CACNG5: variants seen among roughly 807,000 people sequenced by gnomAD.
CACNG5 encodes voltage-dependent calcium channel gamma-5 subunit.
In CACNG5, 18 loss-of-function variants were observed where a neutral mutation model predicts 24.8. That is an observed-to-expected ratio of 0.73 (90% CI 0.50 to 1.08). The LOEUF is 1.08. CACNG5 is among the 50% of genes least tolerant of loss of function. CACNG5 has a pLI of 0.00. For synonymous variants in CACNG5, 157 were observed against 149.1 expected (o/e 1.05, Z -0.39); for missense variants, 349 against 367.9 (o/e 0.95, Z 0.42).
chr17:66,841,493 T>C (rs2144497024), intron 1 of CACNG5, among the ~76,000 whole-genome samples: 1 of 152,326 alleles, frequency 6.6e-6, no homozygotes, highest in Non-Finnish European at 1.5e-5. Context: ...TCCACTCACC[T>C]GAAGATAACT....
intron 1 of CACNG5, among the ~76,000 whole-genome samples, chr17:66,869,077 TTTTC>T (rs1976967660): frequency 6.6e-6 from 1 of 152,098 alleles, no homozygotes; most frequent in East Asian, 1.9e-4. Context: ...GTGCTTCTTT[TTTTC>T]TTTCTTTCTT....
rs555065677 is a variant in CACNG5 at position 66,891,120 on chromosome 17, G to A, written c.*5880G>A. On this transcript the variant is annotated 3_prime_UTR_variant, in exon 6 of 6. Coordinates refer to ENST00000533854, the MANE Select transcript of CACNG5 (RefSeq NM_145811.3). ...TATCAAGATGCAACAGCTTCAGAGGGAAGAGAAGGGTGGTCTTTTTCTCTA... is the reference window on the plus strand; with the variant it reads ...TATCAAGATGCAACAGCTTCAGAGGAAAGAGAAGGGTGGTCTTTTTCTCTA... 6.6e-6 allele frequency among the ~76,000 whole-genome samples: 1 copy of A among 152,272 alleles called. No individual in the cohort carries two copies. The highest frequency in any genetic ancestry group is 1.9e-4 in the East Asian group (1 of 5,176).
chr17:66,874,784 C>T (rs117063522), intron 1 of CACNG5, among the ~76,000 whole-genome samples: 200 of 152,224 alleles, frequency 1.3e-3, no homozygotes, highest in Non-Finnish European at 2.4e-3. Flanking sequence ...TTTAGTGGCA[C>T]GGTTGAGTGT....
chr17:66,861,044 C>T (rs1976849374), intron 1 of CACNG5, among the ~76,000 whole-genome samples: 1 of 152,090 alleles, frequency 6.6e-6, no homozygotes, highest in Admixed American at 6.6e-5. Flanking sequence ...CACACACACA[C>T]ACCAGAAGTA....
rs921984217 is a variant in CACNG5, at chr17:66,887,703, A to G, written c.*2463A>G. Among the ~76,000 whole-genome samples the G allele has an allele frequency of 4.6e-5, 7 of 152,152 alleles. No homozygotes were observed. Among genetic ancestry groups the G allele is most frequent in the African/African-American group, 1.4e-4 (6 of 41,428 alleles). On this transcript the variant is annotated 3_prime_UTR_variant, in exon 6 of 6. Coordinates refer to ENST00000533854, the MANE Select transcript of CACNG5 (RefSeq NM_145811.3). The stretch of plus-strand genomic sequence containing the variant: ...GAAAAAGTAGAATCCACTCCTAAAT[A>G]CAAGTTGATTGTGGACTCAGACATC...
intron 1 of CACNG5, among the ~76,000 whole-genome samples, chr17:66,867,377 G>C (rs1183985736): frequency 6.6e-6 from 1 of 152,070 alleles, no homozygotes; most frequent in Non-Finnish European, 1.5e-5. Context: ...TTAGACCTTT[G>C]TTAGATGAGT....
intron 1 of CACNG5, among the ~76,000 whole-genome samples, chr17:66,870,731 C>T (rs1976994473): frequency 6.6e-6 from 1 of 152,174 alleles, no homozygotes; most frequent in South Asian, 2.1e-4. Flanking sequence ...ATAATCCCAA[C>T]ACTTTGAGAG....
chr17:66,875,177 TC>T (rs1306448122), intron 1 of CACNG5, among the ~76,000 whole-genome samples: 1 of 152,112 alleles, frequency 6.6e-6, no homozygotes, highest in African/African-American at 2.4e-5. Flanking sequence ...TGTTGCCTCT[TC>T]CTCAGCTGCA....
intron 1 of CACNG5, among the ~76,000 whole-genome samples, chr17:66,867,381 G>A (rs1976944373): frequency 6.6e-6 from 1 of 152,112 alleles, no homozygotes; most frequent in Non-Finnish European, 1.5e-5. Flanking sequence ...ACCTTTGTTA[G>A]ATGAGTAGAT....
chr17:66,856,263 T>G lies in CACNG5; in HGVS notation c.-103-20967T>G, dbSNP rs551451978. On this transcript the variant is annotated intron_variant, in intron 1 of 5. Transcript: ENST00000533854. ...CAAATTGCTTTCCAAAAGAGTGAAA[T>G]ACTTTTATGCTCCTGCCAGCAGATA... Among the ~76,000 whole-genome samples the G allele has an allele frequency of 7.1e-4, 108 of 152,348 alleles. 1 individual carries two copies. The South Asian group carries it at 0.022, about 31-fold the overall frequency.
chr17:66,885,425 G>GGGAGTCT lies in CACNG5; in HGVS notation c.*194_*200dup. ...GCTCTAACTGCCCCAGCATGGGTGTGGGAGTCTGGAGTCTGTGGGCAAGCT... is the reference window on the plus strand; with the variant it reads ...GCTCTAACTGCCCCAGCATGGGTGTGGGAGTCTGGAGTCTGGAGTCTGTGGGCAAGCT... On this transcript the variant is annotated 3_prime_UTR_variant, in exon 6 of 6. Coordinates refer to ENST00000533854, the MANE Select transcript of CACNG5 (RefSeq NM_145811.3). The GGGAGTCT allele has an allele frequency of 1.5e-6, 1 of 688,990 alleles. No homozygotes were observed. 42.7% of individuals were successfully genotyped at this position (688,990 alleles called of 1,614,324 possible). A position where few individuals can be genotyped will look rare whatever the true frequency, so the allele number is the denominator to read the frequency against.
At chr17:66,864,713 C>T (rs1281661620) in intron 1 of CACNG5, among the ~76,000 whole-genome samples, 1 of 152,148 alleles carries the variant, frequency 6.6e-6, no homozygotes, top group Non-Finnish European at 1.5e-5. Flanking sequence ...GCATGAATAG[C>T]TGGTAGTTCC....
At position 66,886,738 on chromosome 17, in the gene CACNG5, C is replaced by G. The variant is rs1407375655; in HGVS notation, c.*1498C>G. Among the ~76,000 whole-genome samples, 6 of 152,218 alleles carry G rather than the reference C, an allele frequency of 3.9e-5. No homozygotes were observed. Among genetic ancestry groups the G allele is most frequent in the African/African-American group, 1.2e-4 (5 of 41,458 alleles). Reference sequence around the variant, plus strand: ...AGCCTTGGAGAGGCGGTGTGTCAGGCAGCCGGGCTGCCGCAATGAACTACC... The same window carrying G: ...AGCCTTGGAGAGGCGGTGTGTCAGGGAGCCGGGCTGCCGCAATGAACTACC... On this transcript the variant is annotated 3_prime_UTR_variant, in exon 6 of 6. Transcript: ENST00000533854.
At chr17:66,866,157 G>A (rs569712378) in intron 1 of CACNG5, among the ~76,000 whole-genome samples, 86 of 152,192 alleles carry the variant, frequency 5.7e-4, no homozygotes, top group African/African-American at 2.0e-3. Context: ...ATCAATTTTG[G>A]TATATGCAAA....
chr17:66,849,833 G>A (rs1444401766), intron 1 of CACNG5, among the ~76,000 whole-genome samples: 3 of 152,220 alleles, frequency 2.0e-5, no homozygotes, highest in South Asian at 2.1e-4. Context: ...CCTCTGTGAC[G>A]TATCCTTTCT....
intron 1 of CACNG5, among the ~76,000 whole-genome samples, chr17:66,875,246 T>TCC (rs1202661662): frequency 1.3e-5 from 2 of 152,106 alleles, no homozygotes; most frequent in African/African-American, 4.8e-5. Flanking sequence ...ACTGTCCTGC[T>TCC]CCCCTCTGCC....
intron 4 of CACNG5, among the ~76,000 whole-genome samples, chr17:66,882,005 C>T (rs571259086): frequency 1.3e-5 from 2 of 151,944 alleles, no homozygotes; most frequent in South Asian, 2.1e-4. Flanking sequence ...AGGGATGACA[C>T]GATTGGGTTT....
At chr17:66,845,234 T>C (rs949881102) in intron 1 of CACNG5, among the ~76,000 whole-genome samples, 1 of 150,888 alleles carries the variant, frequency 6.6e-6, no homozygotes, top group Non-Finnish European at 1.5e-5. Flanking sequence ...TAAGCGGGAG[T>C]TGAACAATGA....
At position 66,885,892 on chromosome 17, in the gene CACNG5, G is replaced by C. The variant is rs991696053; in HGVS notation, c.*652G>C. On this transcript the variant is annotated 3_prime_UTR_variant, in exon 6 of 6. Transcript: ENST00000533854. ...CTCACACCAGAACTCAGCTGCCCTG[G>C]GCCCTGGCACTAAGGGACTAAGGGT... Among the ~76,000 whole-genome samples, 19 of 152,278 alleles carry C rather than the reference G, an allele frequency of 1.2e-4. No homozygotes were observed. Among genetic ancestry groups the C allele is most frequent in the African/African-American group, 4.6e-4 (19 of 41,560 alleles).
Sources: gnomAD v4.1 joint callset for allele counts (sites outside exome capture counted in the v4.1 genomes callset) on GRCh38, gnomAD v4.1.1 for gene constraint, MANE v1.5 for transcripts, NCBI Gene and HGNC (gene_info 2026-07-23, HGNC 2026-07-21) for gene names.